The following MEX3C variants were observed in gnomAD, a reference collection of about 807,000 sequenced individuals.
MEX3C encodes the protein mex-3 RNA binding family member C.
A neutral mutation model predicts 35.5 loss-of-function variants in MEX3C; 15 were observed. That is an observed-to-expected ratio of 0.42 (90% CI 0.28 to 0.65). The LOEUF (loss-of-function observed/expected upper bound fraction) is 0.65. MEX3C is among the 30% of genes least tolerant of loss of function. The pLI is 0.20. For synonymous variants in MEX3C, 390 were observed against 352.8 expected (o/e 1.11, Z -1.18); for missense variants, 711 against 842.8 (o/e 0.84, Z 1.94).
intron 1 of MEX3C, among the ~76,000 whole-genome samples, chr18:51,184,473 CAA>C (rs1912492920): frequency 6.6e-6 from 1 of 152,126 alleles, no homozygotes. Context: ...ATCACTGCCC[CAA>C]GAGAGGAGAG....
chr18:51,186,482 T>G (rs905672601), intron 1 of MEX3C, among the ~76,000 whole-genome samples: 8 of 152,180 alleles, frequency 5.3e-5, no homozygotes, highest in Non-Finnish European at 1.0e-4. Context: ...TTCAGCAGTG[T>G]GAGAGCTTCA....
chr18:51,189,906 T>C (rs987244094), intron 1 of MEX3C, among the ~76,000 whole-genome samples: 1 of 152,214 alleles, frequency 6.6e-6, no homozygotes, highest in Non-Finnish European at 1.5e-5. Flanking sequence ...CATAATTTAT[T>C]GGTATAGCCT....
intron 1 of MEX3C, among the ~76,000 whole-genome samples, chr18:51,179,154 C>A (rs1912370238): frequency 6.6e-6 from 1 of 151,930 alleles, no homozygotes. Context: ...CAGGCATGCA[C>A]AACCACACCT....
At chr18:51,184,851 CCT>C (rs1280925990) in intron 1 of MEX3C, among the ~76,000 whole-genome samples, 1 of 146,560 alleles carries the variant, frequency 6.8e-6, no homozygotes, top group East Asian at 2.0e-4. Flanking sequence ...AGAGTGAGAC[CCT>C]GACCCAAAGA....
rs954473497 is a variant in MEX3C at position 51,196,611 on chromosome 18, G to T, written c.710C>A (p.Pro237Gln). The change falls in exon 1 of 2, where the codon CCG (proline) becomes CAG (glutamine). Residue 237 changes from proline (P) to glutamine (Q), a missense_variant. This residue lies in a region of MEX3C where 354 missense variants were observed against 311.6 expected (regional missense o/e 1.14). Transcript: ENST00000406189. Reference protein sequence around the residue: ...RKSVNTTECVPVPSSEHVAEI... With the variant: ...RKSVNTTECVQVPSSEHVAEI... ...GGCGACGTGCTCGGAGCTGGGCACC[G>T]GGACGCACTCGGTGGTGTTGACGCT... is the stretch of plus-strand genomic sequence containing the variant. The T allele has an allele frequency of 6.3e-7, 1 of 1,593,182 alleles. No homozygotes were observed. The highest frequency in any genetic ancestry group is 8.5e-7 in the Non-Finnish European group (1 of 1,175,056).
intron 1 of MEX3C, among the ~76,000 whole-genome samples, chr18:51,187,101 G>A (rs1166899327): frequency 6.6e-6 from 1 of 152,102 alleles, no homozygotes; most frequent in Admixed American, 6.5e-5. Flanking sequence ...TGCATATTAA[G>A]TGGCCACAAC....
chr18:51,196,219 C>A (rs1912782811), intron 1 of MEX3C: 7 of 367,452 alleles, frequency 1.9e-5, no homozygotes, highest in Admixed American at 1.8e-4. Context: ...CCGTACCCAA[C>A]AGCGAACCCA....
Position 51,176,536 on chromosome 18 carries a change from G to A in MEX3C, c.1795C>T (p.Pro599Ser). 1 of 1,613,988 alleles carries A rather than the reference G, an allele frequency of 6.2e-7. No individual in the cohort carries two copies. The change falls in exon 2 of 2, where the codon CCT becomes TCT. Residue 599 changes from proline to serine, a missense_variant. This residue lies in a region of MEX3C where 87 missense variants were observed against 150.4 expected (regional missense o/e 0.58). Transcript: ENST00000406189. ...TCGTGCTTTCGTCTTGATTCTGGAG[G>A]TGAGCTAGAGGTGGAACCACCATTG... ...SSNGGSTSSSPPESRRKHDCV... is the reference protein window; with the variant it reads ...SSNGGSTSSSSPESRRKHDCV...
At position 51,177,085 on chromosome 18, in the gene MEX3C, A is replaced by C; in HGVS notation, c.1246T>G (p.Phe416Val). 6.2e-7 allele frequency: 1 copy of C among 1,614,006 alleles called. No individual in the cohort carries two copies. The highest frequency in any genetic ancestry group is 8.5e-7 in the Non-Finnish European group (1 of 1,179,884). Residue 416 changes from phenylalanine (F) to valine (V), a missense_variant, in exon 2 of 2, where the codon TTT becomes GTT. Phe to Val is a conservative substitution (Grantham distance 50). This residue lies in a region of MEX3C where 187 missense variants were observed against 201.7 expected (regional missense o/e 0.93). Transcript: ENST00000406189. The surrounding 1 kb of genome is among the most constrained non-coding windows in gnomAD (Gnocchi z 4.2). ...GCAGAGCCAAGAGTGCCACCTTCAA[A>C]GCTTACATCGGTACCATTGTAATGG... is the stretch of plus-strand genomic sequence containing the variant. ...DFHYNGTDVS[F>V]EGGTLGSAWL...
chr18:51,182,454 T>G (rs1912453149), intron 1 of MEX3C, among the ~76,000 whole-genome samples: 1 of 152,228 alleles, frequency 6.6e-6, no homozygotes, highest in Non-Finnish European at 1.5e-5. Flanking sequence ...GGCAGAAGTC[T>G]AGACTAGACT....
In MEX3C at chr18:51,176,842, G is replaced by C. The variant is rs1465454373; in HGVS notation, c.1489C>G (p.Pro497Ala). The C allele has an allele frequency of 6.2e-7, 1 of 1,613,990 alleles. No homozygotes were observed. Among genetic ancestry groups the C allele is most frequent in the African/African-American group, 1.3e-5 (1 of 75,030 alleles). The change falls in exon 2 of 2, where the codon CCT becomes GCT. Residue 497 changes from proline (P) to alanine (A), a missense_variant. Pro to Ala is a conservative substitution (Grantham distance 27). This residue lies in a region of MEX3C where 187 missense variants were observed against 201.7 expected (regional missense o/e 0.93). Coordinates refer to ENST00000406189, the MANE Select transcript of MEX3C (RefSeq NM_016626.5). ...VGSEDLAVDS[P>A]AFDSLPTSAQ... ...GATGTTGGTAAAGAGTCAAAGGCAG[G>C]AGAGTCAACTGCTAGGTCTTCTGAG...
intron 1 of MEX3C, among the ~76,000 whole-genome samples, chr18:51,179,646 C>T (rs763322488): frequency 4.6e-5 from 7 of 152,182 alleles, no homozygotes; most frequent in Admixed American, 6.5e-5. Context: ...AGTGTTCAGC[C>T]TGTATGTGCT....
At chr18:51,181,545 C>T (rs1912431877) in intron 1 of MEX3C, among the ~76,000 whole-genome samples, 1 of 152,136 alleles carries the variant, frequency 6.6e-6, no homozygotes, top group East Asian at 1.9e-4. Flanking sequence ...TCATATTTAG[C>T]TGTGAGAGTA....
rs574744258 is a variant in MEX3C at position 51,188,164 on chromosome 18, G to A, written c.754+8403C>T. 3.9e-5 allele frequency among the ~76,000 whole-genome samples: 6 copies of A among 152,274 alleles called. No individual in the cohort carries two copies. The East Asian group carries it at 1.2e-3, about 29-fold the overall frequency. On this transcript the variant is annotated intron_variant, in intron 1 of 1. Transcript: ENST00000406189. ...TTTGTCTCACTTTAGGGATTACTAT[G>A]ACAATACTTCAAACACCTTCATTTA...
In MEX3C at chr18:51,177,235, C is replaced by A. The variant is rs933394006; in HGVS notation, c.1096G>T (p.Asp366Tyr). 1 of 1,613,964 alleles carries A rather than the reference C, an allele frequency of 6.2e-7. No individual in the cohort carries two copies. Among genetic ancestry groups the A allele is most frequent in the Admixed American group, 1.7e-5 (1 of 60,018 alleles). The change falls in exon 2 of 2, where the codon GAT becomes TAT. Residue 366 changes from aspartate to tyrosine, a missense_variant. By Grantham distance (160) the Asp-to-Tyr change is radical. Transcript: ENST00000406189. The surrounding 1 kb of genome is among the most constrained non-coding windows in gnomAD (Gnocchi z 4.2). ...GTCACTTCAAAGACAGGTTCCTTATCTCTGCTCGGAGTTACTATGTAGGTG... is the reference window on the plus strand; with the variant it reads ...GTCACTTCAAAGACAGGTTCCTTATATCTGCTCGGAGTTACTATGTAGGTG... Reference protein sequence around the residue: ...THTYIVTPSRDKEPVFEVTGM... With the variant: ...THTYIVTPSRYKEPVFEVTGM...
At chr18:51,193,954 T>A (rs996739525) in intron 1 of MEX3C, 3 of 152,208 alleles carry the variant, frequency 2.0e-5, no homozygotes, top group Non-Finnish European at 1.5e-5. Context: ...AATTAAGAGA[T>A]GTCAAATAGA....
intron 1 of MEX3C, among the ~76,000 whole-genome samples, chr18:51,192,434 CTA>C (rs1175465822): frequency 3.3e-5 from 5 of 151,982 alleles, no homozygotes; most frequent in African/African-American, 9.7e-5. Context: ...AAGCTAGTGT[CTA>C]TATATATACG....
chr18:51,189,128 T>C (rs552764513), intron 1 of MEX3C, among the ~76,000 whole-genome samples: 6 of 152,350 alleles, frequency 3.9e-5, no homozygotes, highest in African/African-American at 1.4e-4. Flanking sequence ...TGACACAAGT[T>C]TGTTGTTATT....
intron 1 of MEX3C, among the ~76,000 whole-genome samples, chr18:51,187,353 A>G (rs574706238): frequency 6.6e-6 from 1 of 152,350 alleles, no homozygotes; most frequent in East Asian, 1.9e-4. Flanking sequence ...GAATCCATTA[A>G]GGTCCAGTTC....
Sources: gnomAD v4.1 joint callset for allele counts (sites outside exome capture counted in the v4.1 genomes callset) on GRCh38, gnomAD v4.1.1 for gene constraint, gnomAD v4.1.1 regional missense constraint, Gnocchi (gnomAD v3.1) non-coding constraint, MANE v1.5 for transcripts, NCBI Gene and HGNC (gene_info 2026-07-23, HGNC 2026-07-21) for gene names.